NCKAP5: variants seen among roughly 807,000 people sequenced by gnomAD.
NCKAP5 encodes the protein NCK associated protein 5.
A neutral mutation model predicts 167.0 loss-of-function variants in NCKAP5; 92 were observed. The observed-to-expected ratio is 0.55, with a 90% CI of 0.47 to 0.66. The LOEUF is 0.66. Among genes scored for constraint, NCKAP5 ranks in the 30% least tolerant of loss-of-function variants. NCKAP5 has a pLI of 0.00. For missense variants in NCKAP5, 2,378 were observed against 2,315.0 expected (o/e 1.03, Z -0.56); for synonymous variants, 891 against 877.4 (o/e 1.02, Z -0.27).
At chr2:133,659,925 G>T in the NCKAP5 span, among the ~76,000 whole-genome samples, 1 of 151,890 alleles carries the variant, frequency 6.6e-6, no homozygotes, top group African/African-American at 2.4e-5. Flanking sequence ...AAGCCTTTTC[G>T]TGTGGTAAAT....
At chr2:133,628,893 T>A in the NCKAP5 span, among the ~76,000 whole-genome samples, 1 of 152,136 alleles carries the variant, frequency 6.6e-6, no homozygotes, top group Non-Finnish European at 1.5e-5. Flanking sequence ...GGGAAAGGAC[T>A]CCCTAGTCAG....
intron 8 of NCKAP5, among the ~76,000 whole-genome samples, chr2:132,889,022 T>C (rs1187244823): frequency 1.3e-5 from 2 of 152,142 alleles, no homozygotes; most frequent in Non-Finnish European, 2.9e-5. Context: ...TTAGAACACT[T>C]CTTATATGAG....
intron 6 of NCKAP5, among the ~76,000 whole-genome samples, chr2:133,012,411 C>A (rs2078191886): frequency 6.6e-6 from 1 of 152,110 alleles, no homozygotes; most frequent in African/African-American, 2.4e-5. Context: ...CCATGCCTGG[C>A]TAAGTTTTTG....
chr2:133,580,473 C>T, the NCKAP5 span, among the ~76,000 whole-genome samples: 1 of 152,034 alleles, frequency 6.6e-6, no homozygotes, highest in African/African-American at 2.4e-5. Context: ...CTCTCTGCAC[C>T]GTGGGGTGCT....
chr2:132,981,885 G>A (rs2149269771), intron 7 of NCKAP5, among the ~76,000 whole-genome samples: 1 of 152,282 alleles, frequency 6.6e-6, no homozygotes, highest in South Asian at 2.1e-4. Context: ...AAAAATACTG[G>A]TAGCTGGAGT....
At chr2:133,288,954 T>C (rs1009226498) in intron 4 of NCKAP5, among the ~76,000 whole-genome samples, 2 of 152,186 alleles carry the variant, frequency 1.3e-5, no homozygotes, top group Non-Finnish European at 2.9e-5. Flanking sequence ...GCCGAAGTCA[T>C]TTCTTCCAAA....
At chr2:133,093,641 G>T (rs906010366) in intron 6 of NCKAP5, among the ~76,000 whole-genome samples, 9 of 152,190 alleles carry the variant, frequency 5.9e-5, no homozygotes, top group Admixed American at 5.9e-4. Flanking sequence ...AAATGGTAAA[G>T]GAGGGAGCAT....
In NCKAP5 at chr2:133,120,753, G is replaced by T. The variant is rs567428375; in HGVS notation, c.341+9225C>A. 3.9e-5 allele frequency among the ~76,000 whole-genome samples: 6 copies of T among 152,214 alleles called. No homozygotes were observed. In the South Asian group the frequency reaches 1.2e-3, roughly 32 times the overall value. On this transcript the variant is annotated intron_variant, in intron 6 of 19. Coordinates refer to ENST00000409261, the MANE Select transcript of NCKAP5 (RefSeq NM_207363.3). ...GTCTTCATCCTCCCAGGCCATCACA[G>T]TTTATAACTCTAAGAATGATGACTA...
chr2:133,443,150 G>A (rs553485314), intron 3 of NCKAP5, among the ~76,000 whole-genome samples: 1 of 152,294 alleles, frequency 6.6e-6, no homozygotes, highest in Non-Finnish European at 1.5e-5. Context: ...TTCCTCAGGG[G>A]TTCAGGTTTA....
chr2:133,494,381 A>G (rs558557940), intron 3 of NCKAP5, among the ~76,000 whole-genome samples: 27 of 152,176 alleles, frequency 1.8e-4, no homozygotes, highest in Admixed American at 1.3e-3. Context: ...CTGCATTTCC[A>G]TGTCATTGCC....
intron 6 of NCKAP5, among the ~76,000 whole-genome samples, chr2:133,047,109 C>T (rs1177135295): frequency 6.6e-6 from 1 of 152,214 alleles, no homozygotes; most frequent in East Asian, 1.9e-4. Context: ...TTTCTGGCTG[C>T]TTCAGCTGCC....
chr2:133,219,590 C>G (rs1012490942), intron 4 of NCKAP5, among the ~76,000 whole-genome samples: 3 of 152,090 alleles, frequency 2.0e-5, no homozygotes, highest in African/African-American at 2.4e-5. Context: ...ATTATATTCC[C>G]TTTTAAAAGT....
At chr2:133,148,995 C>T (rs1046327037) in intron 5 of NCKAP5, among the ~76,000 whole-genome samples, 19 of 152,086 alleles carry the variant, frequency 1.2e-4, no homozygotes, top group Admixed American at 2.6e-4. Flanking sequence ...AATGTATCAT[C>T]GTGGTAATCA....
At chr2:133,185,794 T>C (rs1322636008) in intron 5 of NCKAP5, among the ~76,000 whole-genome samples, 1 of 152,082 alleles carries the variant, frequency 6.6e-6, no homozygotes, top group East Asian at 1.9e-4. Flanking sequence ...TGCCAGCAAT[T>C]TTTTACACTA....
At chr2:132,852,894 G>A (rs1487712523) in intron 11 of NCKAP5, among the ~76,000 whole-genome samples, 1 of 152,118 alleles carries the variant, frequency 6.6e-6, no homozygotes, top group Non-Finnish European at 1.5e-5. Context: ...CTGCACAACT[G>A]TTTGTTTATA....
chr2:133,465,023 T>G (rs1692461334), intron 3 of NCKAP5, among the ~76,000 whole-genome samples: 1 of 151,944 alleles, frequency 6.6e-6, no homozygotes, highest in Admixed American at 6.6e-5. Flanking sequence ...TTTTTATTAT[T>G]ATACTTTAAG....
intron 3 of NCKAP5, among the ~76,000 whole-genome samples, chr2:133,367,664 C>T (rs781275689): frequency 6.6e-6 from 1 of 151,930 alleles, no homozygotes; most frequent in Middle Eastern, 3.2e-3. Flanking sequence ...TAATATAGAA[C>T]CTATATATTA....
chr2:133,516,904 G>A (rs1217115943), intron 3 of NCKAP5, among the ~76,000 whole-genome samples: 2 of 152,212 alleles, frequency 1.3e-5, no homozygotes, highest in Admixed American at 6.5e-5. Flanking sequence ...AAGTGAATTA[G>A]TCTGTTTCAC....
At chr2:133,131,153 A>T (rs1358593739) in intron 5 of NCKAP5, among the ~76,000 whole-genome samples, 2 of 152,208 alleles carry the variant, frequency 1.3e-5, no homozygotes, top group Non-Finnish European at 2.9e-5. Flanking sequence ...ACTCATGAGA[A>T]AAAAGGCATT....
Sources: gnomAD v4.1 joint callset for allele counts (sites outside exome capture counted in the v4.1 genomes callset) on GRCh38, gnomAD v4.1.1 for gene constraint, MANE v1.5 for transcripts, NCBI Gene and HGNC (gene_info 2026-07-23, HGNC 2026-07-21) for gene names.